FCHSD2: variants seen among roughly 807,000 people sequenced by gnomAD.
FCHSD2 encodes FCH and double SH3 domains 2, also known as F-BAR and double SH3 domains protein 2.
A neutral mutation model predicts 108.1 loss-of-function variants in FCHSD2; 38 were observed. The observed-to-expected ratio is 0.35, with a 90% CI of 0.27 to 0.46. FCHSD2 has a LOEUF of 0.46. Among genes scored for constraint, FCHSD2 ranks in the 20% least tolerant of loss-of-function variants. FCHSD2 has a pLI of 1.00. For missense variants in FCHSD2, 751 were observed against 897.8 expected, an observed-to-expected ratio of 0.84 and a Z score of 2.09; for synonymous variants, 279 against 314.7, an observed-to-expected ratio of 0.89 and a Z score of 1.20.
At chr11:72,918,992 G>A (rs1242676539) in intron 9 of FCHSD2, among the ~76,000 whole-genome samples, 1 of 152,026 alleles carries the variant, frequency 6.6e-6, no homozygotes, top group African/African-American at 2.4e-5. Flanking sequence ...AAAGCTCCTA[G>A]GGCCATCTGT....
At chr11:73,104,574 CTTATT>C (rs888844102) in intron 2 of FCHSD2, among the ~76,000 whole-genome samples, 2 of 150,724 alleles carry the variant, frequency 1.3e-5, no homozygotes, top group African/African-American at 4.9e-5. Context: ...ACTTTACTTA[CTTATT>C]TATTTTTGAG....
At chr11:72,844,976 TATG>T (rs1310661701) in intron 14 of FCHSD2, among the ~76,000 whole-genome samples, 1 of 152,222 alleles carries the variant, frequency 6.6e-6, no homozygotes, top group Non-Finnish European at 1.5e-5. Context: ...GAAACCACAC[TATG>T]CCTTGAATAT....
At chr11:72,985,394 C>T (rs971579938) in intron 6 of FCHSD2, among the ~76,000 whole-genome samples, 2 of 132,950 alleles carry the variant, frequency 1.5e-5, no homozygotes, top group African/African-American at 5.5e-5. Context: ...AAAAAAAAAT[C>T]AAAATATATT....
At chr11:73,031,631 T>C (rs1430246998) in intron 3 of FCHSD2, among the ~76,000 whole-genome samples, 1 of 152,172 alleles carries the variant, frequency 6.6e-6, no homozygotes, top group Non-Finnish European at 1.5e-5. Flanking sequence ...GTAAGTATCC[T>C]ATTAGAATCT....
chr11:73,104,994 A>T (rs1860308644), intron 2 of FCHSD2, among the ~76,000 whole-genome samples: 1 of 152,256 alleles, frequency 6.6e-6, no homozygotes, highest in South Asian at 2.1e-4. Context: ...AGAGGCTGTC[A>T]TGTAAAAACA....
At chr11:73,124,612 T>A (rs1860810903) in intron 2 of FCHSD2, among the ~76,000 whole-genome samples, 1 of 152,018 alleles carries the variant, frequency 6.6e-6, no homozygotes, top group Non-Finnish European at 1.5e-5. Context: ...AAAAATTAGC[T>A]GGGCATGATG....
At chr11:73,081,565 T>C (rs980888552) in intron 3 of FCHSD2, among the ~76,000 whole-genome samples, 2 of 152,020 alleles carry the variant, frequency 1.3e-5, no homozygotes, top group Non-Finnish European at 2.9e-5. Flanking sequence ...TCACTCCCAT[T>C]GCCCAGGCTG....
At chr11:73,023,445 C>T (rs1334358786) in intron 3 of FCHSD2, among the ~76,000 whole-genome samples, 9 of 152,114 alleles carry the variant, frequency 5.9e-5, no homozygotes, top group Middle Eastern at 3.2e-3. Context: ...AGAAGTTCAG[C>T]ATCACTTGTC....
At chr11:72,947,107 T>C (rs905466899) in intron 8 of FCHSD2, among the ~76,000 whole-genome samples, 1 of 152,234 alleles carries the variant, frequency 6.6e-6, no homozygotes, top group African/African-American at 2.4e-5. Flanking sequence ...GTTTAACAGC[T>C]GCATGCCCCA....
chr11:72,868,510 C>T (rs1006576633), intron 12 of FCHSD2, among the ~76,000 whole-genome samples: 6 of 151,904 alleles, frequency 3.9e-5, no homozygotes, highest in African/African-American at 1.5e-4. Context: ...ATCCTGCACA[C>T]GTATCCGGGA....
At chr11:72,967,690 T>C (rs902023015) in intron 8 of FCHSD2, among the ~76,000 whole-genome samples, 2 of 152,088 alleles carry the variant, frequency 1.3e-5, no homozygotes, top group African/African-American at 4.8e-5. Context: ...AATGAGATAG[T>C]GGTGATGGTT....
chr11:73,014,901 T>C (rs1445271667), intron 4 of FCHSD2, among the ~76,000 whole-genome samples: 1 of 151,900 alleles, frequency 6.6e-6, no homozygotes, highest in Non-Finnish European at 1.5e-5. Context: ...TGGAGTGCAG[T>C]GACATGATTT....
At chr11:72,949,686 G>C (rs2135354889) in intron 8 of FCHSD2, among the ~76,000 whole-genome samples, 1 of 152,250 alleles carries the variant, frequency 6.6e-6, no homozygotes. Context: ...GTCTACCCAT[G>C]TTGTAGCATA....
At chr11:72,919,662 T>A (rs1653860963) in intron 9 of FCHSD2, among the ~76,000 whole-genome samples, 1 of 152,190 alleles carries the variant, frequency 6.6e-6, no homozygotes, top group Admixed American at 6.5e-5. Context: ...ACGACTATAA[T>A]GTTTCCTGTT....
At chr11:72,939,103 C>T (rs913079451) in intron 8 of FCHSD2, among the ~76,000 whole-genome samples, 20 of 151,914 alleles carry the variant, frequency 1.3e-4, no homozygotes, top group African/African-American at 4.6e-4. Context: ...AAGTACAGAG[C>T]CTATGAAAAA....
rs1857620103 is a variant in FCHSD2, at chr11:73,001,243, A to C, written c.243-109T>G. 6.7e-6 allele frequency: 6 copies of C among 892,670 alleles called. No homozygotes were observed. The South Asian group carries it at 9.2e-5, about 14-fold the overall frequency. 55.3% of individuals were successfully genotyped at this position (892,670 alleles called of 1,614,324 possible). Reference sequence around the variant, plus strand: ...GACAGAATAAATGAATGTCTTCTTTAATGTATTTATAATGGCTTATAGGCA... The same window carrying C: ...GACAGAATAAATGAATGTCTTCTTTCATGTATTTATAATGGCTTATAGGCA... On this transcript the variant is annotated intron_variant, in intron 4 of 19. Coordinates refer to ENST00000409418, the MANE Select transcript of FCHSD2 (RefSeq NM_014824.3).
chr11:72,894,541 T>C (rs1003156263), intron 10 of FCHSD2, among the ~76,000 whole-genome samples: 10 of 152,116 alleles, frequency 6.6e-5, no homozygotes, highest in African/African-American at 2.4e-4. Flanking sequence ...GAGTTAAATA[T>C]TGGATCCATC....
In FCHSD2 at chr11:72,946,290, G is replaced by T. The variant is rs549780882; in HGVS notation, c.706-24340C>A. ...AAACCATCATTCTCAGCAGACTATC[G>T]CAAGGACAAAAAACCAAACACCACA... On this transcript the variant is annotated intron_variant, in intron 8 of 19. Transcript: ENST00000409418. Among the ~76,000 whole-genome samples the T allele has an allele frequency of 4.6e-5, 7 of 150,820 alleles. 1 individual carries two copies. Among genetic ancestry groups the T allele is most frequent in the East Asian group, 2.0e-4 (1 of 5,112 alleles).
chr11:72,890,639 TG>T (rs1490661206), intron 10 of FCHSD2, among the ~76,000 whole-genome samples: 6 of 151,830 alleles, frequency 4.0e-5, no homozygotes, highest in Non-Finnish European at 5.9e-5. Flanking sequence ...TAACTTCTAT[TG>T]TGCAAGGTAC....
Sources: allele counts gnomAD v4.1 joint callset (sites outside exome capture counted in the v4.1 genomes callset), GRCh38; gene constraint gnomAD v4.1.1; transcripts MANE v1.5; gene names NCBI Gene and HGNC (gene_info 2026-07-23, HGNC 2026-07-21).